The following HMCN1 variants were observed in gnomAD, a reference collection of about 807,000 sequenced individuals.
HMCN1 encodes hemicentin-1.
A neutral mutation model predicts 625.9 loss-of-function variants in HMCN1; 321 were observed. The observed-to-expected ratio is 0.51, with a 90% CI of 0.47 to 0.56. The LOEUF (loss-of-function observed/expected upper bound fraction) is 0.56, where lower values mean the gene tolerates loss of function less well. Ranked by LOEUF, HMCN1 falls within the 20% of genes least tolerant of loss-of-function variation. The pLI is 0.00. For synonymous variants in HMCN1, 2,425 were observed against 2,417.6 expected, an observed-to-expected ratio of 1.00 and a Z score of -0.09; for missense variants, 6,588 against 6,887.3, an observed-to-expected ratio of 0.96 and a Z score of 1.54.
chr1:185,833,797 T>G (rs898971853), intron 1 of HMCN1, among the ~76,000 whole-genome samples: 1 of 152,172 alleles, frequency 6.6e-6, no homozygotes, highest in African/African-American at 2.4e-5. Context: ...AATTGTTTTT[T>G]CCTGACAGCC....
At chr1:185,891,703 T>A (rs1665097269) in intron 4 of HMCN1, among the ~76,000 whole-genome samples, 1 of 148,244 alleles carries the variant, frequency 6.7e-6, no homozygotes, top group Non-Finnish European at 1.5e-5. Context: ...TGGGCTTCCC[T>A]TTGAGGGTAA....
In HMCN1 at chr1:185,997,486, T is replaced by G. The variant is rs746923063; in HGVS notation, c.3836T>G (p.Val1279Gly). Residue 1279 changes from valine to glycine, a missense_variant, in exon 25 of 107, where the codon GTG becomes GGG. Physicochemically the swap from Val to Gly is moderately radical, Grantham distance 109. Around this residue, in one of 3 missense-constraint regions of HMCN1, gnomAD observed 4,628 missense variants for 4,853.1 expected, o/e 0.95. Coordinates refer to ENST00000271588, the MANE Select transcript of HMCN1 (RefSeq NM_031935.3). ...PPYNTTFQER[V>G]ANQRIEFPCP... ...TATAACACTACTTTCCAAGAAAGAG[T>G]GGCCAATCAACGCATTGAATTTCCA... 1.2e-6 allele frequency: 2 copies of G among 1,612,692 alleles called. No homozygotes were observed. The highest frequency in any genetic ancestry group is 1.7e-6 in the Non-Finnish European group (2 of 1,179,184).
At chr1:185,852,498 A>G (rs1662222332) in intron 2 of HMCN1, among the ~76,000 whole-genome samples, 1 of 151,230 alleles carries the variant, frequency 6.6e-6, no homozygotes. Flanking sequence ...TTTGGACATG[A>G]TTAGACATGA....
chr1:185,872,737 A>G (rs930865693), intron 4 of HMCN1, among the ~76,000 whole-genome samples: 40 of 152,172 alleles, frequency 2.6e-4, no homozygotes, highest in African/African-American at 9.4e-4. Context: ...CTTTCATTTC[A>G]TGATTTTGTA....
intron 1 of HMCN1, among the ~76,000 whole-genome samples, chr1:185,791,140 T>C (rs1210294595): frequency 6.6e-6 from 1 of 152,140 alleles, no homozygotes; most frequent in Non-Finnish European, 1.5e-5. Context: ...TGGGCTCCCT[T>C]ACTACCTACA....
At chr1:185,858,988 G>A (rs1438556390) in intron 2 of HMCN1, among the ~76,000 whole-genome samples, 1 of 151,464 alleles carries the variant, frequency 6.6e-6, no homozygotes, top group Non-Finnish European at 1.5e-5. Flanking sequence ...TGATTTGAGA[G>A]AAACACTATA....
intron 42 of HMCN1, among the ~76,000 whole-genome samples, chr1:186,051,148 A>G (rs1268263254): frequency 2.0e-5 from 3 of 152,084 alleles, no homozygotes; most frequent in African/African-American, 7.2e-5. Flanking sequence ...ATATTGAAGA[A>G]GGCCTCTTAA....
At chr1:186,079,207 G>C (rs190544652) in intron 55 of HMCN1, among the ~76,000 whole-genome samples, 1 of 152,248 alleles carries the variant, frequency 6.6e-6, no homozygotes, top group African/African-American at 2.4e-5. Flanking sequence ...CTCTGCCTCT[G>C]TGGCTCCTCT....
chr1:186,088,039 C>A lies in HMCN1; in HGVS notation c.9445+26C>A, dbSNP rs779349727. 6 of 1,611,918 alleles carry A rather than the reference C, an allele frequency of 3.7e-6. No homozygotes were observed. The South Asian group carries it at 5.5e-5, about 15-fold the overall frequency. On this transcript the variant is annotated intron_variant, in intron 61 of 106. Coordinates refer to ENST00000271588, the MANE Select transcript of HMCN1 (RefSeq NM_031935.3). ...GTGAGCATTTGCCTCTAATACAACT[C>A]TTTTTCCCCTAGATATGCAAATGAA...
At chr1:185,863,339 C>G (rs1264933238) in intron 2 of HMCN1, among the ~76,000 whole-genome samples, 2 of 152,122 alleles carry the variant, frequency 1.3e-5, no homozygotes, top group Non-Finnish European at 2.9e-5. Flanking sequence ...GGGTGTTCAG[C>G]AATTATGTAT....
intron 1 of HMCN1, among the ~76,000 whole-genome samples, chr1:185,765,891 C>G (rs1655841275): frequency 6.6e-6 from 1 of 152,100 alleles, no homozygotes; most frequent in African/African-American, 2.4e-5. Flanking sequence ...GAGCAAAGGC[C>G]AGTCTCCTGC....
chr1:185,763,622 C>T (rs189181758), intron 1 of HMCN1, among the ~76,000 whole-genome samples: 18 of 152,214 alleles, frequency 1.2e-4, no homozygotes, highest in African/African-American at 3.9e-4. Flanking sequence ...TTATCTAATA[C>T]ATTGTAGAAG....
chr1:185,982,431 G>GT (rs761630737), intron 18 of HMCN1, 42 bp downstream of exon 18: 14 of 1,525,792 alleles, frequency 9.2e-6, no homozygotes, highest in Admixed American at 6.9e-5. Flanking sequence ...TCTTTTGTGA[G>GT]TTTTCTTTTC....
intron 1 of HMCN1, among the ~76,000 whole-genome samples, chr1:185,761,932 A>G (rs1425423068): frequency 1.3e-5 from 2 of 152,186 alleles, no homozygotes; most frequent in African/African-American, 4.8e-5. Flanking sequence ...ATAGCATCAT[A>G]TTATAAACTG....
At position 186,189,790 on chromosome 1, in the gene HMCN1, TCCG is replaced by T; in HGVS notation, c.16821_16823del (p.Arg5608del). On this transcript the variant is annotated inframe_deletion, in exon 107 of 107. Transcript: ENST00000271588. ...GAAGCAGAGACCTACCGCATGAGGGTCCGAGCCTCATCCTACAGTGCCAATGGG... is the reference window on the plus strand; with the variant it reads ...GAAGCAGAGACCTACCGCATGAGGGTAGCCTCATCCTACAGTGCCAATGGG... 6.2e-7 allele frequency: 1 copy of T among 1,613,540 alleles called. No individual in the cohort carries two copies. The highest frequency in any genetic ancestry group is 8.5e-7 in the Non-Finnish European group (1 of 1,179,778).
chr1:186,011,505 T>C (rs1042866957), intron 30 of HMCN1, among the ~76,000 whole-genome samples: 2 of 152,252 alleles, frequency 1.3e-5, no homozygotes, highest in Non-Finnish European at 2.9e-5. Flanking sequence ...TATTATTCTC[T>C]TGATATTTGA....
In HMCN1 at chr1:186,125,743, A is replaced by G; in HGVS notation, c.12639A>G (p.Leu4213=). ...ACAATGTTCTTTTAGCTAACTTGTT[A>G]GGAAAATACACTGCTGAACCATATG... ...KKDNVLLANL[L]GKYTAEPYGE... The change falls in exon 82 of 107, where the codon TTA becomes TTG. Residue 4213 remains leucine, a synonymous_variant. Coordinates refer to ENST00000271588, the MANE Select transcript of HMCN1 (RefSeq NM_031935.3). 1 of 1,613,508 alleles carries G rather than the reference A, an allele frequency of 6.2e-7. No individual in the cohort carries two copies. Among genetic ancestry groups the G allele is most frequent in the South Asian group, 1.1e-5 (1 of 91,082 alleles).
intron 4 of HMCN1, among the ~76,000 whole-genome samples, chr1:185,875,853 C>G (rs1336909931): frequency 3.9e-5 from 6 of 152,068 alleles, no homozygotes; most frequent in Admixed American, 3.9e-4. Context: ...TTAAATGCCT[C>G]TTTCTCCTGA....
At chr1:186,099,273 A>G (rs961571756) in intron 68 of HMCN1, among the ~76,000 whole-genome samples, 1 of 152,098 alleles carries the variant, frequency 6.6e-6, no homozygotes, top group Non-Finnish European at 1.5e-5. Flanking sequence ...TGTACTCCCT[A>G]AAGATGCATA....
Sources: gnomAD v4.1 joint callset for allele counts (sites outside exome capture counted in the v4.1 genomes callset) on GRCh38, gnomAD v4.1.1 for gene constraint, gnomAD v4.1.1 regional missense constraint, MANE v1.5 for transcripts, NCBI Gene and HGNC (gene_info 2026-07-23, HGNC 2026-07-21) for gene names.